Variants in HTR2C observed in about 807,000 individuals in gnomAD.
HTR2C encodes the protein 5-hydroxytryptamine (serotonin) receptor 2C, G protein-coupled.
A neutral mutation model predicts 21.0 loss-of-function variants in HTR2C; 5 were observed. The observed-to-expected ratio is 0.24, with a 90% CI of 0.12 to 0.50. HTR2C has a LOEUF of 0.50. Ranked by LOEUF, HTR2C falls within the 20% of genes least tolerant of loss-of-function variation. The pLI is 0.98. For missense variants in HTR2C, 271 were observed against 371.2 expected (o/e 0.73, Z 2.22); for synonymous variants, 150 against 145.3 (o/e 1.03, Z -0.23).
At chrX:114,774,829 TAA>T (rs2070040485) in intron 4 of HTR2C, 2 of 466,425 alleles carry the variant, frequency 4.3e-6, no homozygotes, top group Non-Finnish European at 7.7e-6. Flanking sequence ...TATGTTGGCT[TAA>T]TCAACCTCTT....
At chrX:114,794,182 A>G (rs1188261755) in intron 4 of HTR2C, among the ~76,000 whole-genome samples, 1 of 111,245 alleles carries the variant, frequency 9.0e-6, no homozygotes, top group African/African-American at 3.3e-5. Context: ...AAAATTATAT[A>G]ACCAAAATGC....
intron 2 of HTR2C, among the ~76,000 whole-genome samples, chrX:114,710,526 T>C (rs1166728577): frequency 8.9e-6 from 1 of 112,331 alleles, no homozygotes; most frequent in African/African-American, 3.2e-5. Flanking sequence ...ATTCAACATC[T>C]CATTTTATCT....
At chrX:114,691,066 T>C (rs1276610224) in intron 2 of HTR2C, among the ~76,000 whole-genome samples, 7 of 111,424 alleles carry the variant, frequency 6.3e-5, no homozygotes, top group Non-Finnish European at 9.4e-5. Context: ...TTCCATTTTA[T>C]AGAAGAAGCA....
At chrX:114,902,060 A>G (rs1556485375) in intron 5 of HTR2C, among the ~76,000 whole-genome samples, 1 of 111,692 alleles carries the variant, frequency 9.0e-6, no homozygotes, top group African/African-American at 3.2e-5. Context: ...AAAAATATTG[A>G]AGATTGCCTC....
intron 5 of HTR2C, among the ~76,000 whole-genome samples, chrX:114,893,821 A>G (rs1167567898): frequency 8.9e-6 from 1 of 112,346 alleles, no homozygotes; most frequent in Non-Finnish European, 1.9e-5. Flanking sequence ...TGTATGCAAA[A>G]TATATAAAGA....
At chrX:114,722,676 T>C (rs1556420965) in intron 2 of HTR2C, among the ~76,000 whole-genome samples, 2 of 104,289 alleles carry the variant, frequency 1.9e-5, no homozygotes, top group African/African-American at 6.9e-5. Context: ...CTTATTATTT[T>C]GAGATACATC....
At chrX:114,864,151 AG>A (rs1231474263) in intron 5 of HTR2C, among the ~76,000 whole-genome samples, 1 of 110,217 alleles carries the variant, frequency 9.1e-6, no homozygotes, top group East Asian at 2.9e-4. Context: ...TTGACAGATA[AG>A]GACTTGCTAC....
At chrX:114,597,172 C>T (rs1376692112) in intron 1 of HTR2C, among the ~76,000 whole-genome samples, 6 of 92,305 alleles carry the variant, frequency 6.5e-5, no homozygotes, top group East Asian at 3.7e-4. Context: ...GAGCCGAGAT[C>T]GTGCCATTGC....
intron 5 of HTR2C, among the ~76,000 whole-genome samples, chrX:114,902,603 G>GTATTTATT (rs201844012): frequency 3.6e-5 from 4 of 110,182 alleles, no homozygotes; most frequent in Admixed American, 2.0e-4. Context: ...AAAATTTATT[G>GTATTTATT]TATTTATTTA....
At chrX:114,897,090 T>G (rs1363193239) in intron 5 of HTR2C, among the ~76,000 whole-genome samples, 1 of 111,825 alleles carries the variant, frequency 8.9e-6, no homozygotes, top group African/African-American at 3.2e-5. Context: ...ATTTTAATAA[T>G]GTACTAATTT....
intron 2 of HTR2C, among the ~76,000 whole-genome samples, chrX:114,711,836 C>T (rs1468054642): frequency 4.5e-5 from 5 of 111,726 alleles, no homozygotes; most frequent in Non-Finnish European, 7.5e-5. Flanking sequence ...AGTAGGTGGA[C>T]ATTAACTGTT....
chrX:114,824,172 A>G (rs1373931173), intron 4 of HTR2C, among the ~76,000 whole-genome samples: 4 of 111,611 alleles, frequency 3.6e-5, no homozygotes, highest in Non-Finnish European at 7.5e-5. Flanking sequence ...AGTTAGCGGC[A>G]TGTCCCTACA....
At chrX:114,785,823 T>A (rs2070169454) in intron 4 of HTR2C, among the ~76,000 whole-genome samples, 1 of 112,086 alleles carries the variant, frequency 8.9e-6, no homozygotes, top group African/African-American at 3.2e-5. Flanking sequence ...CAGTGAATTT[T>A]TATGGAAATT....
At chrX:114,843,787 A>G (rs1455655687) in intron 4 of HTR2C, among the ~76,000 whole-genome samples, 6 of 111,893 alleles carry the variant, frequency 5.4e-5, no homozygotes, top group African/African-American at 1.9e-4. Flanking sequence ...GAATTTCTCT[A>G]CAGAGACCAT....
intron 5 of HTR2C, among the ~76,000 whole-genome samples, chrX:114,902,562 G>C (rs1556485503): frequency 9.0e-6 from 1 of 111,056 alleles, no homozygotes; most frequent in East Asian, 2.8e-4. Context: ...AAACAAATCA[G>C]AGAGAAAACA....
intron 2 of HTR2C, among the ~76,000 whole-genome samples, chrX:114,693,784 A>C (rs1352740890): frequency 8.9e-6 from 1 of 111,900 alleles, no homozygotes; most frequent in Admixed American, 9.5e-5. Context: ...AAGTACAGTC[A>C]CCCGACACAA....
At chrX:114,903,685 C>G (rs1354704827) in intron 5 of HTR2C, among the ~76,000 whole-genome samples, 1 of 112,503 alleles carries the variant, frequency 8.9e-6, no homozygotes, top group Non-Finnish European at 1.9e-5. Flanking sequence ...GAGTTGGTCT[C>G]TAAGTGATAC....
chrX:114,662,228 T>C (rs1362589940), intron 2 of HTR2C, among the ~76,000 whole-genome samples: 4 of 111,808 alleles, frequency 3.6e-5, no homozygotes, highest in African/African-American at 1.3e-4. Flanking sequence ...TATACAGGTA[T>C]AGGGTTACTG....
intron 1 of HTR2C, among the ~76,000 whole-genome samples, chrX:114,603,432 G>C (rs925812250): frequency 9.2e-6 from 1 of 108,128 alleles, no homozygotes; most frequent in African/African-American, 3.4e-5. Flanking sequence ...AAGTTGTTTG[G>C]ACAGAAAGGC....
Sources: gnomAD v4.1 joint callset for allele counts (sites outside exome capture counted in the v4.1 genomes callset) on GRCh38, gnomAD v4.1.1 for gene constraint, MANE v1.5 for transcripts, NCBI Gene and HGNC (gene_info 2026-07-23, HGNC 2026-07-21) for gene names.